Variants in EEF1E1 observed in about 807,000 individuals in gnomAD.
EEF1E1 encodes the protein eukaryotic translation elongation factor 1 epsilon 1.
A neutral mutation model predicts 19.9 loss-of-function variants in EEF1E1; 19 were observed. The observed-to-expected ratio is 0.95, with a 90% CI of 0.66 to 1.40. EEF1E1 has a LOEUF of 1.40. Among genes scored for constraint, EEF1E1 ranks in the 40% most tolerant of loss-of-function variants. EEF1E1 has a pLI of 0.00. For synonymous variants in EEF1E1, 81 were observed against 80.0 expected, an observed-to-expected ratio of 1.01 and a Z score of -0.07; for missense variants, 198 against 202.2, an observed-to-expected ratio of 0.98 and a Z score of 0.13.
chr6:8,090,593 A>G (rs1446831405), intron 2 of EEF1E1, among the ~76,000 whole-genome samples: 1 of 152,148 alleles, frequency 6.6e-6, no homozygotes, highest in Admixed American at 6.6e-5. Flanking sequence ...ACTCATGCTC[A>G]TTAGTTACAC....
chr6:8,089,586 G>T (rs1365234372), intron 3 of EEF1E1, among the ~76,000 whole-genome samples: 1 of 152,196 alleles, frequency 6.6e-6, no homozygotes, highest in Non-Finnish European at 1.5e-5. Flanking sequence ...CAGCTGATCA[G>T]ATGGTGCCCA....
chr6:8,097,227 A>G (rs534425606), intron 2 of EEF1E1, 40 bp downstream of exon 2: 1 of 1,578,600 alleles, frequency 6.3e-7, no homozygotes, highest in Admixed American at 1.7e-5. Context: ...TTTCTGATTA[A>G]CAGTTCATGC....
chr6:8,101,641 CA>C (rs531486179), intron 1 of EEF1E1: 105 of 788,980 alleles, frequency 1.3e-4, no homozygotes, highest in South Asian at 7.3e-4. Context: ...CTCAAAGGAG[CA>C]AAAAAAACAT....
At chr6:8,098,677 T>C (rs1758242680) in intron 1 of EEF1E1, among the ~76,000 whole-genome samples, 1 of 152,162 alleles carries the variant, frequency 6.6e-6, no homozygotes, top group Non-Finnish European at 1.5e-5. Context: ...TTAAATGTAT[T>C]GAAAGAAAAC....
intron 3 of EEF1E1, among the ~76,000 whole-genome samples, chr6:8,085,318 GT>G (rs75193756): frequency 0.19 from 27,808 of 144,422 alleles, 2,715 homozygotes; most frequent in Admixed American, 0.26. Context: ...CTGGTTAATG[GT>G]TTTTTTTTTT....
chr6:8,091,066 TA>T (rs1161959751), intron 2 of EEF1E1, among the ~76,000 whole-genome samples: 1 of 152,234 alleles, frequency 6.6e-6, no homozygotes, highest in African/African-American at 2.4e-5. Flanking sequence ...TGCTGGACCA[TA>T]TGGTAATTCC....
chr6:8,101,639 AG>A (rs1456856081), intron 1 of EEF1E1: 6 of 769,144 alleles, frequency 7.8e-6, no homozygotes, highest in Non-Finnish European at 1.0e-5. Flanking sequence ...ATCTCAAAGG[AG>A]CAAAAAAAAC....
downstream of EEF1E1, among the ~76,000 whole-genome samples, chr6:8,077,150 A>G (rs537623554): frequency 3.8e-4 from 58 of 152,076 alleles, no homozygotes; most frequent in South Asian, 6.2e-3. Context: ...TCACCGTGTT[A>G]GCCAGGATTG....
At chr6:8,074,419 G>A (rs2027133), downstream of EEF1E1, among the ~76,000 whole-genome samples, 2,396 of 152,298 alleles carry the variant, frequency 0.016, 60 homozygotes, top group African/African-American at 0.055. Flanking sequence ...CGACTGTGGT[G>A]TGCCAATGAT....
At chr6:8,096,498 A>C (rs112285949) in intron 2 of EEF1E1, among the ~76,000 whole-genome samples, 2,128 of 152,334 alleles carry the variant, frequency 0.014, 51 homozygotes, top group African/African-American at 0.048. Flanking sequence ...CATTTTCCCC[A>C]AAGTGATAAA....
downstream of EEF1E1, among the ~76,000 whole-genome samples, chr6:8,075,374 C>T (rs1757565779): frequency 6.6e-6 from 1 of 152,142 alleles, no homozygotes; most frequent in Non-Finnish European, 1.5e-5. Flanking sequence ...TTATAATATA[C>T]AGGAAGATGT....
chr6:8,079,754 G>C lies in EEF1E1; in HGVS notation c.*136C>G. On this transcript the variant is annotated 3_prime_UTR_variant, in exon 4 of 4. Coordinates refer to ENST00000379715, the MANE Select transcript of EEF1E1 (RefSeq NM_004280.5). The stretch of plus-strand genomic sequence containing the variant: ...GAACAAATAAAACATTCAGACACAA[G>C]TTTACACTTCAAAAATTCTATCAAC... The C allele has an allele frequency of 7.5e-7, 1 of 1,330,942 alleles. No homozygotes were observed. The highest frequency in any genetic ancestry group is 9.6e-7 in the Non-Finnish European group (1 of 1,037,172). The allele number at this position is 1,330,942 out of a possible 1,614,324, so 82.4% of individuals were successfully genotyped here.
intron 2 of EEF1E1, among the ~76,000 whole-genome samples, chr6:8,096,458 G>T (rs1000423812): frequency 1.3e-5 from 2 of 152,176 alleles, no homozygotes; most frequent in African/African-American, 4.8e-5. Context: ...CAGTTCTCTT[G>T]ATGGCATCTA....
chr6:8,091,666 A>G (rs1207085817), intron 2 of EEF1E1, among the ~76,000 whole-genome samples: 3 of 152,268 alleles, frequency 2.0e-5, no homozygotes, highest in Non-Finnish European at 4.4e-5. Flanking sequence ...TTAGCAGAAC[A>G]GGAATTTACA....
chr6:8,081,788 T>G (rs548382149), intron 3 of EEF1E1, among the ~76,000 whole-genome samples: 136 of 152,352 alleles, frequency 8.9e-4, no homozygotes, highest in African/African-American at 3.2e-3. Flanking sequence ...TCTTTGCTGA[T>G]AGTTAAAGCA....
intron 3 of EEF1E1, among the ~76,000 whole-genome samples, chr6:8,088,092 G>GACT (rs1757912916): frequency 9.0e-6 from 1 of 110,708 alleles, no homozygotes; most frequent in African/African-American, 3.6e-5. Context: ...TGTAAAATGG[G>GACT]GCTATTATTA....
intron 1 of EEF1E1, chr6:8,101,649 A>G (rs904253489): frequency 8.1e-6 from 7 of 868,606 alleles, no homozygotes; most frequent in Non-Finnish European, 1.1e-5. Context: ...AGCAAAAAAA[A>G]CATATATCCA....
At chr6:8,074,088 C>T (rs1247982170) in intron 3 of EEF1E1, among the ~76,000 whole-genome samples, 1 of 152,154 alleles carries the variant, frequency 6.6e-6, no homozygotes, top group African/African-American at 2.4e-5. Context: ...CTTGCTGTTT[C>T]TTTGGGTCTT....
chr6:8,075,979 A>C (rs1291674549), downstream of EEF1E1, among the ~76,000 whole-genome samples: 1 of 152,162 alleles, frequency 6.6e-6, no homozygotes, highest in Non-Finnish European at 1.5e-5. Context: ...CATAAAAAGC[A>C]ACTCCTCATA....
Sources: allele counts gnomAD v4.1 joint callset (sites outside exome capture counted in the v4.1 genomes callset), GRCh38; gene constraint gnomAD v4.1.1; transcripts MANE v1.5; gene names NCBI Gene and HGNC (gene_info 2026-07-23, HGNC 2026-07-21).